Variants in GNG12 observed in about 807,000 individuals in gnomAD.
GNG12 encodes G protein subunit gamma 12, also known as guanine nucleotide-binding protein G(I)/G(S)/G(O) subunit gamma-12.
For missense variants in GNG12, 69 were observed against 83.8 expected, an observed-to-expected ratio of 0.82 and a Z score of 0.69; for synonymous variants, 28 against 29.7, an observed-to-expected ratio of 0.94 and a Z score of 0.19.
intron 2 of GNG12, among the ~76,000 whole-genome samples, chr1:67,728,040 G>A (rs1016461855): frequency 1.3e-5 from 2 of 152,122 alleles, no homozygotes; most frequent in Non-Finnish European, 2.9e-5. Flanking sequence ...CTTTTAAACA[G>A]AACCATTTAA....
At chr1:67,818,425 T>TG (rs1402061718) in intron 1 of GNG12, among the ~76,000 whole-genome samples, 1 of 148,010 alleles carries the variant, frequency 6.8e-6, no homozygotes, top group Non-Finnish European at 1.5e-5. Context: ...TTTTTTTTTT[T>TG]TTTTTTTTTT....
intron 1 of GNG12, among the ~76,000 whole-genome samples, chr1:67,799,070 T>C (rs1646848946): frequency 6.6e-6 from 1 of 152,240 alleles, no homozygotes; most frequent in African/African-American, 2.4e-5. Context: ...GTAATATATA[T>C]AACATACAAA....
chr1:67,808,115 C>T (rs1439007508), intron 1 of GNG12, among the ~76,000 whole-genome samples: 2 of 152,030 alleles, frequency 1.3e-5, no homozygotes, highest in Admixed American at 1.3e-4. Context: ...GCTACCAAAG[C>T]GGATTTACCT....
rs1440972396 is a variant in GNG12, at chr1:67,766,133, CACACACACACACACA to C, written c.-27+11310_-27+11324del. 9.2e-3 allele frequency among the ~76,000 whole-genome samples: 1,399 copies of C among 151,556 alleles called. 17 individuals carry two copies. Among genetic ancestry groups the C allele is most frequent in the African/African-American group, 0.023 (946 of 41,262 alleles). On this transcript the variant is annotated intron_variant, in intron 2 of 3. Coordinates refer to ENST00000370982, the MANE Select transcript of GNG12 (RefSeq NM_018841.6). Reference sequence around the variant, plus strand: ...ACACACACACACACACACACACACACACACACACACACACACCCCTAAACAATGCCCTCATAGACA... The same window carrying C: ...ACACACACACACACACACACACACACCCCCTAAACAATGCCCTCATAGACA...
chr1:67,744,009 G>A (rs1253683979), intron 2 of GNG12, among the ~76,000 whole-genome samples: 1 of 152,206 alleles, frequency 6.6e-6, no homozygotes, highest in Non-Finnish European at 1.5e-5. Context: ...GTGTGTGTGC[G>A]TGGGGAAGAG....
intron 1 of GNG12, among the ~76,000 whole-genome samples, chr1:67,795,148 T>C (rs759632737): frequency 6.6e-6 from 1 of 152,202 alleles, no homozygotes; most frequent in Non-Finnish European, 1.5e-5. Context: ...CTTCAAACAG[T>C]AATCTCTTTG....
At chr1:67,724,415 A>C (rs759796625) in intron 2 of GNG12, among the ~76,000 whole-genome samples, 1 of 152,216 alleles carries the variant, frequency 6.6e-6, no homozygotes, top group Non-Finnish European at 1.5e-5. Flanking sequence ...ATTCGAGACG[A>C]AATCTCACTC....
chr1:67,714,727 A>G (rs766897759), intron 2 of GNG12, among the ~76,000 whole-genome samples: 2 of 152,106 alleles, frequency 1.3e-5, no homozygotes, highest in Non-Finnish European at 2.9e-5. Context: ...CCCAAAATTT[A>G]TATGTTGAAA....
At chr1:67,768,755 G>A (rs1345136144) in intron 2 of GNG12, among the ~76,000 whole-genome samples, 4 of 152,170 alleles carry the variant, frequency 2.6e-5, no homozygotes, top group Admixed American at 2.6e-4. Flanking sequence ...TTGAACTCTA[G>A]TCTATCTGCC....
chr1:67,751,602 T>G (rs761787860), intron 2 of GNG12, among the ~76,000 whole-genome samples: 1 of 152,160 alleles, frequency 6.6e-6, no homozygotes, highest in Admixed American at 6.5e-5. Context: ...CAAAAGTACA[T>G]GCACACAAAT....
chr1:67,817,592 T>C (rs1646960147), intron 1 of GNG12, among the ~76,000 whole-genome samples: 1 of 152,170 alleles, frequency 6.6e-6, no homozygotes, highest in Non-Finnish European at 1.5e-5. Context: ...CCTCTGTGCT[T>C]CCATACTTCT....
chr1:67,767,362 A>G (rs1646647245), intron 2 of GNG12, among the ~76,000 whole-genome samples: 1 of 152,168 alleles, frequency 6.6e-6, no homozygotes, highest in African/African-American at 2.4e-5. Flanking sequence ...TTGCCTGGAG[A>G]CAGATACCGA....
chr1:67,752,377 T>C (rs1445245378), intron 2 of GNG12, among the ~76,000 whole-genome samples: 1 of 152,200 alleles, frequency 6.6e-6, no homozygotes, highest in African/African-American at 2.4e-5. Flanking sequence ...AACAGACATT[T>C]TGAAAGTTTA....
chr1:67,729,047 CT>C (rs1557598289), intron 2 of GNG12, among the ~76,000 whole-genome samples: 2 of 152,200 alleles, frequency 1.3e-5, no homozygotes, highest in Non-Finnish European at 2.9e-5. Context: ...TACTGCTACC[CT>C]GGACTGCTCT....
chr1:67,823,701 C>T (rs775679841), intron 1 of GNG12, among the ~76,000 whole-genome samples: 4 of 152,194 alleles, frequency 2.6e-5, no homozygotes, highest in Non-Finnish European at 1.5e-5. Flanking sequence ...GGAACCGGGA[C>T]ATCCAATACA....
intron 1 of GNG12, among the ~76,000 whole-genome samples, chr1:67,802,867 C>A (rs1646874636): frequency 6.6e-6 from 1 of 152,242 alleles, no homozygotes; most frequent in Non-Finnish European, 1.5e-5. Flanking sequence ...TCCTGGACAT[C>A]TCTGCACACA....
At chr1:67,758,434 G>A (rs1185798733) in intron 2 of GNG12, among the ~76,000 whole-genome samples, 1 of 152,208 alleles carries the variant, frequency 6.6e-6, no homozygotes, top group Non-Finnish European at 1.5e-5. Flanking sequence ...CTATTGGCTG[G>A]TAGCAGCGGC....
In GNG12 at chr1:67,722,755, G is replaced by A. The variant is rs544864480; in HGVS notation, c.-26-15043C>T. Among the ~76,000 whole-genome samples the A allele has an allele frequency of 1.4e-4, 21 of 152,292 alleles. No individual in the cohort carries two copies. The South Asian group carries it at 4.4e-3, about 32-fold the overall frequency. On this transcript the variant is annotated intron_variant, in intron 2 of 3. Transcript: ENST00000370982. ...AGGGAACACTGTGGGGAAAATGATT[G>A]AGCAACCTCCTATGCAGGGTGGAAC...
At chr1:67,743,374 G>A (rs1379315115) in intron 2 of GNG12, among the ~76,000 whole-genome samples, 2 of 152,140 alleles carry the variant, frequency 1.3e-5, no homozygotes, top group African/African-American at 4.8e-5. Flanking sequence ...ATAACAAAAT[G>A]CAATACATCT....
Sources: allele counts gnomAD v4.1 joint callset (sites outside exome capture counted in the v4.1 genomes callset), GRCh38; gene constraint gnomAD v4.1.1; transcripts MANE v1.5; gene names NCBI Gene and HGNC (gene_info 2026-07-23, HGNC 2026-07-21).